Variants in SUCLG2 observed in about 807,000 individuals in gnomAD.
The protein encoded by SUCLG2 is succinate--CoA ligase [GDP-forming] subunit beta, mitochondrial.
SUCLG2 carries 42 observed loss-of-function variants against 47.9 expected under a neutral mutation model. That is an observed-to-expected ratio of 0.88 (90% CI 0.69 to 1.14). The LOEUF (loss-of-function observed/expected upper bound fraction) is 1.14. Ranked by LOEUF, SUCLG2 falls within the 50% of genes most tolerant of loss-of-function variation. SUCLG2 has a pLI of 0.00. For missense variants in SUCLG2, 571 were observed against 525.9 expected, an observed-to-expected ratio of 1.09 and a Z score of -0.84; for synonymous variants, 195 against 197.3, an observed-to-expected ratio of 0.99 and a Z score of 0.10.
At chr3:67,607,913 T>C (rs1199429274) in intron 2 of SUCLG2, among the ~76,000 whole-genome samples, 3 of 152,188 alleles carry the variant, frequency 2.0e-5, no homozygotes, top group African/African-American at 4.8e-5. Flanking sequence ...TCCCCAGCCA[T>C]GCGGAACTGT....
At chr3:67,650,237 T>G (rs1015723171) in intron 1 of SUCLG2, among the ~76,000 whole-genome samples, 1 of 152,220 alleles carries the variant, frequency 6.6e-6, no homozygotes, top group African/African-American at 2.4e-5. Context: ...CTCATTTAGC[T>G]GATAAGAACT....
chr3:67,598,842 G>C (rs957183599), intron 2 of SUCLG2, among the ~76,000 whole-genome samples: 1 of 152,180 alleles, frequency 6.6e-6, no homozygotes, highest in African/African-American at 2.4e-5. Context: ...ACATTTTACA[G>C]ATGAGGAAAT....
chr3:67,495,360 G>C (rs1439322287), intron 9 of SUCLG2, among the ~76,000 whole-genome samples: 3 of 152,096 alleles, frequency 2.0e-5, no homozygotes, highest in Non-Finnish European at 4.4e-5. Flanking sequence ...TGTGATATAA[G>C]ACAGAAGTTG....
intron 7 of SUCLG2, among the ~76,000 whole-genome samples, chr3:67,503,822 G>T (rs1317175255): frequency 5.9e-5 from 9 of 152,284 alleles, no homozygotes; most frequent in African/African-American, 2.2e-4. Context: ...TATGCATAGG[G>T]TGTTTTGTTG....
intron 1 of SUCLG2, among the ~76,000 whole-genome samples, chr3:67,614,639 G>C (rs547568835): frequency 3.3e-5 from 5 of 152,044 alleles, no homozygotes; most frequent in Non-Finnish European, 7.4e-5. Context: ...GGCTGAAGGT[G>C]AAGGGGAATG....
At chr3:67,625,809 G>C (rs1478933402) in intron 1 of SUCLG2, among the ~76,000 whole-genome samples, 2 of 152,064 alleles carry the variant, frequency 1.3e-5, no homozygotes, top group South Asian at 2.1e-4. Flanking sequence ...AAGCACAGTG[G>C]GGACACAGAA....
chr3:67,484,168 G>T (rs142762851), intron 9 of SUCLG2, among the ~76,000 whole-genome samples: 532 of 152,264 alleles, frequency 3.5e-3, no homozygotes, highest in Middle Eastern at 6.8e-3. Context: ...GCCTCTGGCT[G>T]CTGGATGGAA....
At chr3:67,536,141 A>G (rs538620926) in intron 2 of SUCLG2, among the ~76,000 whole-genome samples, 1 of 152,370 alleles carries the variant, frequency 6.6e-6, no homozygotes, top group African/African-American at 2.4e-5. Context: ...GGCAACAGCC[A>G]GAACAGCTCT....
rs1028876308 is a variant in SUCLG2, at chr3:67,480,988, G to T, written c.1062+14810C>A. On this transcript the variant is annotated intron_variant, in intron 9 of 10. Transcript: ENST00000307227. The stretch of plus-strand genomic sequence containing the variant: ...CGCAGCCCATAAGGAAGTTCACTTT[G>T]GCATCAAGATGTACAATCACATTCA... 2.0e-5 allele frequency among the ~76,000 whole-genome samples: 3 copies of T among 151,606 alleles called. No homozygotes were observed. In the East Asian group the frequency reaches 5.8e-4, roughly 29 times the overall value.
chr3:67,565,805 C>T (rs1707439000), intron 2 of SUCLG2, among the ~76,000 whole-genome samples: 1 of 152,214 alleles, frequency 6.6e-6, no homozygotes, highest in Non-Finnish European at 1.5e-5. Flanking sequence ...CCACAATGGT[C>T]TACTAAATGC....
chr3:67,516,247 C>T (rs1241930930), intron 6 of SUCLG2, among the ~76,000 whole-genome samples: 1 of 152,290 alleles, frequency 6.6e-6, no homozygotes, highest in South Asian at 2.1e-4. Context: ...CAAAGGTATA[C>T]TGACAATATG....
At chr3:67,648,538 C>T (rs575889665) in intron 1 of SUCLG2, among the ~76,000 whole-genome samples, 6 of 152,284 alleles carry the variant, frequency 3.9e-5, no homozygotes, top group African/African-American at 1.4e-4. Flanking sequence ...CTCCCTGGCA[C>T]TGTGATTTTA....
At chr3:67,539,539 G>A (rs1474227026) in intron 2 of SUCLG2, among the ~76,000 whole-genome samples, 1 of 152,132 alleles carries the variant, frequency 6.6e-6, no homozygotes, top group African/African-American at 2.4e-5. Context: ...TTGTGTCTCT[G>A]CCAGGTTTTG....
chr3:67,422,982 TGAA>T (rs1238082579), intron 9 of SUCLG2, among the ~76,000 whole-genome samples: 1 of 152,188 alleles, frequency 6.6e-6, no homozygotes, highest in Non-Finnish European at 1.5e-5. Context: ...TTTATTAGGC[TGAA>T]GAAGGTAGGT....
chr3:67,382,644 T>A (rs1471707390), intron 10 of SUCLG2, among the ~76,000 whole-genome samples: 1 of 152,228 alleles, frequency 6.6e-6, no homozygotes, highest in African/African-American at 2.4e-5. Context: ...GAAAGTTACA[T>A]GAAATTCAAA....
chr3:67,641,460 T>TAC (rs1328885468), intron 1 of SUCLG2, among the ~76,000 whole-genome samples: 4 of 152,118 alleles, frequency 2.6e-5, no homozygotes, highest in African/African-American at 9.7e-5. Flanking sequence ...GGTGCAAAGT[T>TAC]ACAAATTTCA....
chr3:67,622,838 C>T (rs1293248407), intron 1 of SUCLG2, among the ~76,000 whole-genome samples: 1 of 152,208 alleles, frequency 6.6e-6, no homozygotes, highest in Non-Finnish European at 1.5e-5. Flanking sequence ...CGGACACTCC[C>T]TCAACAGGCC....
At chr3:67,633,725 GT>G (rs2107356315) in intron 1 of SUCLG2, among the ~76,000 whole-genome samples, 1 of 150,410 alleles carries the variant, frequency 6.6e-6, no homozygotes, top group East Asian at 1.9e-4. Flanking sequence ...TTAATGGACA[GT>G]TATTTAATGC....
chr3:67,428,763 G>T (rs1703378133), intron 9 of SUCLG2, among the ~76,000 whole-genome samples: 1 of 152,178 alleles, frequency 6.6e-6, no homozygotes, highest in Non-Finnish European at 1.5e-5. Context: ...TAAATGACCT[G>T]ATGGAGCTGA....
Sources: gnomAD v4.1 joint callset for allele counts (sites outside exome capture counted in the v4.1 genomes callset) on GRCh38, gnomAD v4.1.1 for gene constraint, MANE v1.5 for transcripts, NCBI Gene and HGNC (gene_info 2026-07-23, HGNC 2026-07-21) for gene names.